The following DPP10 variants were observed in gnomAD, a reference collection of about 807,000 sequenced individuals.
DPP10 encodes the protein inactive dipeptidyl peptidase 10.
Under a neutral mutation model 120.9 loss-of-function variants are expected in DPP10, and 33 were observed. That is an observed-to-expected ratio of 0.27 (90% CI 0.21 to 0.37). The LOEUF is 0.37. Ranked by LOEUF, DPP10 falls within the 10% of genes least tolerant of loss-of-function variation. The probability of loss-of-function intolerance (pLI) is 1.00; values close to 1 mark genes in which losing one functional copy is unlikely to be tolerated. For missense variants in DPP10, 816 were observed against 942.8 expected (o/e 0.87, Z 1.76); for synonymous variants, 337 against 326.1 (o/e 1.03, Z -0.36).
At chr2:114,456,125 C>A (rs1678573728) in intron 1 of DPP10, among the ~76,000 whole-genome samples, 1 of 152,162 alleles carries the variant, frequency 6.6e-6, no homozygotes. Flanking sequence ...AAGTCCTTAT[C>A]ATGTATTACT....
chr2:115,777,865 G>A, intron 15 of DPP10, 31 bp downstream of exon 15: 1 of 1,600,406 alleles, frequency 6.2e-7, no homozygotes, highest in Non-Finnish European at 8.5e-7. Context: ...TCCTTACACA[G>A]ATTGGCTTCT....
At chr2:115,274,770 C>T (rs972468790) in intron 1 of DPP10, among the ~76,000 whole-genome samples, 1 of 152,174 alleles carries the variant, frequency 6.6e-6, no homozygotes, top group Non-Finnish European at 1.5e-5. Context: ...AGTTACATAA[C>T]CTTTATGCAA....
chr2:115,049,963 G>A (rs1246080578), intron 1 of DPP10, among the ~76,000 whole-genome samples: 1 of 152,116 alleles, frequency 6.6e-6, no homozygotes, highest in Non-Finnish European at 1.5e-5. Context: ...CACCTATCAG[G>A]TTATAATAAT....
intron 5 of DPP10, among the ~76,000 whole-genome samples, chr2:115,591,548 G>C (rs2082664765): frequency 6.6e-6 from 1 of 152,126 alleles, no homozygotes. Context: ...TGCTGTTTTG[G>C]TTACTGTAGC....
At chr2:115,261,238 C>A (rs377453626) in intron 1 of DPP10, among the ~76,000 whole-genome samples, 1 of 152,088 alleles carries the variant, frequency 6.6e-6, no homozygotes. Flanking sequence ...TCATTGCCAC[C>A]GGTTGAAAGT....
rs559491125 is a variant in DPP10 at position 115,264,729 on chromosome 2, A to G, written c.61-44510A>G. Among the ~76,000 whole-genome samples the G allele has an allele frequency of 2.0e-5, 3 of 152,334 alleles. 1 individual carries two copies. The South Asian group carries it at 6.2e-4, about 32-fold the overall frequency. ...AAGATAATAGACAAAGATGTCACAT[A>G]TTTTGGAATGATGTTTAAGAAAGAT... On this transcript the variant is annotated intron_variant, in intron 1 of 25. Transcript: ENST00000410059.
intron 2 of DPP10, among the ~76,000 whole-genome samples, chr2:115,333,335 T>C (rs2062877649): frequency 6.6e-6 from 1 of 152,148 alleles, no homozygotes; most frequent in African/African-American, 2.4e-5. Context: ...GTGAGATGCG[T>C]CTCCTGAATA....
At chr2:114,477,017 G>A (rs1680451019) in intron 1 of DPP10, among the ~76,000 whole-genome samples, 1 of 151,810 alleles carries the variant, frequency 6.6e-6, no homozygotes, top group Non-Finnish European at 1.5e-5. Context: ...GGAGTGCAGT[G>A]GCATGATTTC....
At chr2:115,233,707 C>T (rs1320891522) in intron 1 of DPP10, among the ~76,000 whole-genome samples, 2 of 152,154 alleles carry the variant, frequency 1.3e-5, no homozygotes, top group African/African-American at 2.4e-5. Flanking sequence ...GCAGAGTCTG[C>T]CACAATAAAA....
chr2:115,750,752 T>C (rs2149738215), intron 10 of DPP10, among the ~76,000 whole-genome samples: 1 of 152,322 alleles, frequency 6.6e-6, no homozygotes, highest in African/African-American at 2.4e-5. Context: ...TTCATTCTTT[T>C]CCAAAGATTA....
At chr2:114,558,336 T>C (rs1342912970) in intron 1 of DPP10, among the ~76,000 whole-genome samples, 1 of 152,234 alleles carries the variant, frequency 6.6e-6, no homozygotes, top group Non-Finnish European at 1.5e-5. Context: ...TTGGGCTCTC[T>C]TTCTGGTCTT....
At chr2:115,311,434 G>C (rs936950644) in intron 2 of DPP10, among the ~76,000 whole-genome samples, 1 of 152,082 alleles carries the variant, frequency 6.6e-6, no homozygotes, top group Non-Finnish European at 1.5e-5. Context: ...CCCAGAAAAG[G>C]TATAAAACCT....
intron 5 of DPP10, among the ~76,000 whole-genome samples, chr2:115,676,977 G>T (rs545007289): frequency 6.6e-6 from 1 of 152,064 alleles, no homozygotes; most frequent in African/African-American, 2.4e-5. Flanking sequence ...TCAGAGAAAC[G>T]GTAAATTTGT....
At chr2:115,399,794 T>C (rs758920982) in intron 3 of DPP10, among the ~76,000 whole-genome samples, 1 of 152,216 alleles carries the variant, frequency 6.6e-6, no homozygotes, top group Admixed American at 6.6e-5. Flanking sequence ...GAACTTCTTC[T>C]AAGTGTTTCA....
At chr2:114,694,222 G>T (rs1343293089) in intron 1 of DPP10, among the ~76,000 whole-genome samples, 6 of 151,814 alleles carry the variant, frequency 4.0e-5, no homozygotes, top group East Asian at 3.9e-4. Flanking sequence ...AAGATTAAGA[G>T]AATTAATTAA....
intron 1 of DPP10, among the ~76,000 whole-genome samples, chr2:114,908,095 A>G (rs1479000799): frequency 6.6e-6 from 1 of 151,966 alleles, no homozygotes; most frequent in African/African-American, 2.4e-5. Flanking sequence ...TGTTTTAAAG[A>G]TGATTTCATC....
At chr2:115,649,518 A>G (rs912210381) in intron 5 of DPP10, among the ~76,000 whole-genome samples, 1 of 152,090 alleles carries the variant, frequency 6.6e-6, no homozygotes. Context: ...CCATTGATCA[A>G]TGTCCTAGTA....
chr2:114,637,649 G>T (rs1371431895), intron 1 of DPP10, among the ~76,000 whole-genome samples: 1 of 151,810 alleles, frequency 6.6e-6, no homozygotes, highest in Non-Finnish European at 1.5e-5. Context: ...TCCATCTTGA[G>T]TTAATTTTTA....
intron 1 of DPP10, among the ~76,000 whole-genome samples, chr2:115,035,946 G>A (rs1207527507): frequency 6.6e-6 from 1 of 152,142 alleles, no homozygotes; most frequent in South Asian, 2.1e-4. Context: ...CCACATAAAA[G>A]GGAGAGATCA....
Sources: gnomAD v4.1 joint callset for allele counts (sites outside exome capture counted in the v4.1 genomes callset) on GRCh38, gnomAD v4.1.1 for gene constraint, MANE v1.5 for transcripts, NCBI Gene and HGNC (gene_info 2026-07-23, HGNC 2026-07-21) for gene names.